CACNB2: variants seen among roughly 807,000 people sequenced by gnomAD.
The protein encoded by CACNB2 is voltage-dependent L-type calcium channel subunit beta-2.
CACNB2 carries 42 observed loss-of-function variants against 73.3 expected under a neutral mutation model. That is an observed-to-expected ratio of 0.57 (90% CI 0.45 to 0.74). The LOEUF is 0.74. CACNB2 is among the 30% of genes least tolerant of loss of function. The pLI is 0.00. For synonymous variants in CACNB2, 348 were observed against 310.3 expected (o/e 1.12, Z -1.28); for missense variants, 940 against 853.0 (o/e 1.10, Z -1.27).
chr10:18,379,295 C>T (rs939434418), intron 2 of CACNB2, among the ~76,000 whole-genome samples: 1 of 152,158 alleles, frequency 6.6e-6, no homozygotes, highest in South Asian at 2.1e-4. Context: ...TCACTGCAAC[C>T]TCTGCCTCCC....
At chr10:18,251,266 A>T (rs928551793) in intron 2 of CACNB2, among the ~76,000 whole-genome samples, 1 of 149,468 alleles carries the variant, frequency 6.7e-6, no homozygotes, top group African/African-American at 2.5e-5. Context: ...TTTTTTTGAG[A>T]TGGAGTTTCA....
intron 2 of CACNB2, among the ~76,000 whole-genome samples, chr10:18,378,668 TTCAGCCCAGAAGGCC>T (rs1401738126): frequency 6.6e-6 from 1 of 152,046 alleles, no homozygotes; most frequent in East Asian, 1.9e-4. Context: ...GGAGGATCGG[TTCAGCCCAGAAGGCC>T]AAGGCTGGAG....
chr10:18,531,953 C>G (rs2053074376), intron 10 of CACNB2: 1 of 152,164 alleles, frequency 6.6e-6, no homozygotes, highest in African/African-American at 2.4e-5. Context: ...CTTTCATTAG[C>G]TAGGACAACT....
intron 3 of CACNB2, among the ~76,000 whole-genome samples, chr10:18,423,140 C>CTTACCTGTT (rs58368348): frequency 0.87 from 131,581 of 151,478 alleles, 57,322 homozygotes; most frequent in East Asian, 0.94. Flanking sequence ...TATCCTTTAT[C>CTTACCTGTT]TTACCTGTTT....
intron 2 of CACNB2, among the ~76,000 whole-genome samples, chr10:18,200,526 A>T (rs1004734453): frequency 1.3e-5 from 2 of 151,916 alleles, no homozygotes; most frequent in African/African-American, 4.8e-5. Flanking sequence ...ATATTTTAAA[A>T]TAATAAAATT....
intron 2 of CACNB2, among the ~76,000 whole-genome samples, chr10:18,380,904 C>T (rs547913392): frequency 3.5e-4 from 54 of 152,188 alleles, no homozygotes; most frequent in African/African-American, 1.3e-3. Context: ...GTAGACTTTT[C>T]ACCATGCGAT....
At chr10:18,442,972 GTA>G (rs1171432723) in intron 3 of CACNB2, among the ~76,000 whole-genome samples, 417 of 13,524 alleles carry the variant, frequency 0.031, 79 homozygotes, top group Admixed American at 0.034. Context: ...ATATATATGT[GTA>G]TATATATATA....
chr10:18,224,408 G>A (rs1263383087), intron 2 of CACNB2: 1 of 151,644 alleles, frequency 6.6e-6, no homozygotes, highest in Non-Finnish European at 1.5e-5. Flanking sequence ...TTTGGGAAGT[G>A]AGTTTCATAC....
rs1327787339 is a variant in CACNB2, at chr10:18,536,243, C to CTTTTCTTTTT, written c.1302+51_1302+52insCTTTTTTTTT. The CTTTTCTTTTT allele has an allele frequency of 5.3e-3, 1,502 of 282,216 alleles. 112 individuals carry two copies. Among genetic ancestry groups the CTTTTCTTTTT allele is most frequent in the East Asian group, 7.0e-3 (73 of 10,376 alleles). The allele number at this position is 282,216 out of a possible 1,614,324, so 17.5% of individuals were successfully genotyped here. On this transcript the variant is annotated intron_variant, in intron 12 of 13. Coordinates refer to ENST00000324631, the MANE Select transcript of CACNB2 (RefSeq NM_201596.3). ...CATAATCCAGTTACAGAGATCAGAC[C>CTTTTCTTTTT]TTTTTTTTTTTTTTTTTTTTTTTTT...
intron 3 of CACNB2, among the ~76,000 whole-genome samples, chr10:18,419,678 A>G (rs1239331666): frequency 6.6e-6 from 1 of 152,220 alleles, no homozygotes; most frequent in African/African-American, 2.4e-5. Flanking sequence ...GGAAAGTCAC[A>G]GAATATATTT....
At chr10:18,270,593 C>G (rs1391067129) in intron 2 of CACNB2, among the ~76,000 whole-genome samples, 1 of 152,298 alleles carries the variant, frequency 6.6e-6, no homozygotes, top group Admixed American at 6.5e-5. Context: ...GTCTCCTTAG[C>G]CTTAATTCTC....
At chr10:18,216,133 T>TA (rs5783587) in intron 2 of CACNB2, among the ~76,000 whole-genome samples, 4,664 of 144,802 alleles carry the variant, frequency 0.032, 246 homozygotes, top group African/African-American at 0.11. Context: ...CCGTCTCAAC[T>TA]AAAAAAAAAA....
At chr10:18,222,321 A>G (rs1366820608) in intron 2 of CACNB2, among the ~76,000 whole-genome samples, 1 of 152,170 alleles carries the variant, frequency 6.6e-6, no homozygotes, top group Non-Finnish European at 1.5e-5. Flanking sequence ...CTGCAGAGGA[A>G]AGAAACATAA....
chr10:18,298,095 G>T (rs537673415), intron 2 of CACNB2, among the ~76,000 whole-genome samples: 1 of 152,240 alleles, frequency 6.6e-6, no homozygotes, highest in Admixed American at 6.5e-5. Flanking sequence ...GAGGCTGGGC[G>T]TACTGGCTCA....
intron 2 of CACNB2, among the ~76,000 whole-genome samples, chr10:18,247,715 G>T (rs746563690): frequency 2.6e-5 from 4 of 152,146 alleles, no homozygotes; most frequent in African/African-American, 4.8e-5. Flanking sequence ...GAAGTCGAAG[G>T]TTGAGGCAGA....
intron 2 of CACNB2, among the ~76,000 whole-genome samples, chr10:18,201,421 T>C (rs1002912444): frequency 6.6e-6 from 1 of 152,018 alleles, no homozygotes; most frequent in Non-Finnish European, 1.5e-5. Context: ...ATTACAGGCA[T>C]GCGCCACCAG....
intron 3 of CACNB2, among the ~76,000 whole-genome samples, chr10:18,495,545 CTGTGTGTGTGTGTGTGTGTGTGTGTG>C (rs59858946): frequency 3.2e-5 from 4 of 124,618 alleles, no homozygotes; most frequent in African/African-American, 1.3e-4. Flanking sequence ...AGTATAAAAA[CTGTGTGTGTGTGTGTGTGTGTGTGTG>C]TGTGTGTGTG....
chr10:18,212,736 A>G (rs149053023), intron 2 of CACNB2, among the ~76,000 whole-genome samples: 151 of 152,340 alleles, frequency 9.9e-4, no homozygotes, highest in African/African-American at 3.5e-3. Context: ...ACCCTGTCAT[A>G]TATGGAACAG....
At chr10:18,369,203 C>T (rs965910173) in intron 2 of CACNB2, among the ~76,000 whole-genome samples, 2 of 152,076 alleles carry the variant, frequency 1.3e-5, no homozygotes, top group African/African-American at 2.4e-5. Flanking sequence ...TTGCCAGAGG[C>T]GTACTATTTA....
Sources: gnomAD v4.1 joint callset for allele counts (sites outside exome capture counted in the v4.1 genomes callset) on GRCh38, gnomAD v4.1.1 for gene constraint, MANE v1.5 for transcripts, NCBI Gene and HGNC (gene_info 2026-07-23, HGNC 2026-07-21) for gene names.